Variants in PICALM observed in about 807,000 individuals in gnomAD.
PICALM encodes the protein phosphatidylinositol binding clathrin assembly protein, also known as phosphatidylinositol-binding clathrin assembly protein.
Under a neutral mutation model 80.5 loss-of-function variants are expected in PICALM, and 40 were observed. The observed-to-expected ratio is 0.50, with a 90% CI of 0.39 to 0.65. The LOEUF is 0.65. Ranked by LOEUF, PICALM falls within the 30% of genes least tolerant of loss-of-function variation. The pLI, the probability that PICALM is intolerant of heterozygous loss-of-function variation, is 0.00. For synonymous variants in PICALM, 288 were observed against 260.3 expected, an observed-to-expected ratio of 1.11 and a Z score of -1.02; for missense variants, 676 against 778.9, an observed-to-expected ratio of 0.87 and a Z score of 1.57.
chr11:86,030,493 A>G (rs1260996168), intron 2 of PICALM, among the ~76,000 whole-genome samples: 3 of 151,634 alleles, frequency 2.0e-5, no homozygotes, highest in Non-Finnish European at 4.4e-5. Flanking sequence ...TAAGGCACAT[A>G]CCGAAGAAGA....
chr11:86,067,419 A>C (rs1231793994), intron 1 of PICALM, among the ~76,000 whole-genome samples: 2 of 152,224 alleles, frequency 1.3e-5, no homozygotes, highest in Non-Finnish European at 1.5e-5. Flanking sequence ...CATTGGCTTG[A>C]GTGATCCAAT....
Position 86,000,794 on chromosome 11 carries a change from A to T in PICALM, c.1018-15T>A. The T allele has an allele frequency of 6.2e-7, 1 of 1,611,036 alleles. No individual in the cohort carries two copies. Among genetic ancestry groups the T allele is most frequent in the Non-Finnish European group, 8.5e-7 (1 of 1,179,388 alleles). ...AGGCGCTGTTCCTGTTAAGAAAGGG[A>T]ACTACCATAAGGATTCCAGAAACCA... On this transcript the variant is annotated splice_polypyrimidine_tract_variant and intron_variant, in intron 10 of 19. Coordinates refer to ENST00000393346, the MANE Select transcript of PICALM (RefSeq NM_007166.4).
chr11:85,981,960 A>T lies in PICALM; in HGVS notation c.1560T>A (p.Ser520=), dbSNP rs1297066459. Residue 520 remains serine, a synonymous_variant, in exon 15 of 20, where the codon TCT becomes TCA. Coordinates refer to ENST00000393346, the MANE Select transcript of PICALM (RefSeq NM_007166.4). ...TGGCAACAGGAAGGTTCTGGTTCTG[A>T]GAGGCCACTGTTGGTTTGAGAAGTC... ...LGGLLKPTVA[S]QNQNLPVAKL... 1.2e-6 allele frequency: 2 copies of T among 1,612,870 alleles called. No individual in the cohort carries two copies. The highest frequency in any genetic ancestry group is 1.7e-6 in the Non-Finnish European group (2 of 1,178,812).
chr11:86,022,287 T>A, intron 4 of PICALM, 80 bp downstream of exon 4: 2 of 770,068 alleles, frequency 2.6e-6, no homozygotes, highest in East Asian at 5.6e-5. Flanking sequence ...TAAAATTTCA[T>A]AATTCATAAT....
intron 18 of PICALM, among the ~76,000 whole-genome samples, chr11:85,975,648 G>C (rs181461164): frequency 5.0e-5 from 7 of 139,476 alleles, no homozygotes; most frequent in African/African-American, 1.9e-4. Context: ...CCAGACTGGA[G>C]TGCAGTGGCA....
At chr11:86,021,181 G>A (rs1037391773) in intron 4 of PICALM, among the ~76,000 whole-genome samples, 3 of 152,040 alleles carry the variant, frequency 2.0e-5, no homozygotes, top group Non-Finnish European at 4.4e-5. Flanking sequence ...GAACTCATTT[G>A]TATGAAAATT....
chr11:86,047,463 G>T (rs531819489), intron 1 of PICALM, among the ~76,000 whole-genome samples: 61 of 152,298 alleles, frequency 4.0e-4, no homozygotes, highest in African/African-American at 1.5e-3. Flanking sequence ...CAAACTGCAA[G>T]CCTTAATTTA....
At chr11:86,048,701 G>T (rs559619266) in intron 1 of PICALM, among the ~76,000 whole-genome samples, 11 of 151,668 alleles carry the variant, frequency 7.3e-5, no homozygotes, top group Admixed American at 5.9e-4. Flanking sequence ...GCGTGGTGGC[G>T]CATGCCTGTA....
chr11:86,009,547 C>A (rs904712958), intron 7 of PICALM, among the ~76,000 whole-genome samples: 1 of 151,992 alleles, frequency 6.6e-6, no homozygotes, highest in Non-Finnish European at 1.5e-5. Flanking sequence ...CAAAAATTAG[C>A]CGGGTGTGGT....
intron 19 of PICALM, among the ~76,000 whole-genome samples, chr11:85,971,618 C>G (rs1054289253): frequency 6.6e-6 from 1 of 151,956 alleles, no homozygotes; most frequent in East Asian, 1.9e-4. Flanking sequence ...CACCAGTAAT[C>G]TCAGCTACTC....
intron 1 of PICALM, among the ~76,000 whole-genome samples, chr11:86,055,279 T>C (rs1223843591): frequency 6.9e-6 from 1 of 143,886 alleles, no homozygotes. Flanking sequence ...GCAGTGAGCC[T>C]AGATCGTGCC....
chr11:86,023,711 G>A (rs888266460), intron 3 of PICALM, among the ~76,000 whole-genome samples: 2 of 152,188 alleles, frequency 1.3e-5, no homozygotes, highest in African/African-American at 4.8e-5. Flanking sequence ...GACTTTTAAA[G>A]TTAAAATGAA....
intron 19 of PICALM, among the ~76,000 whole-genome samples, chr11:85,973,451 G>A (rs1323570777): frequency 4.6e-5 from 7 of 152,164 alleles, no homozygotes; most frequent in Non-Finnish European, 8.8e-5. Flanking sequence ...AAGCATGTCC[G>A]TGAGCAAGAG....
At chr11:86,009,352 C>G (rs2095348180) in intron 7 of PICALM, among the ~76,000 whole-genome samples, 1 of 138,730 alleles carries the variant, frequency 7.2e-6, no homozygotes, top group Non-Finnish European at 1.5e-5. Context: ...TCTATTGCAC[C>G]TAAGAATAAG....
chr11:86,064,786 G>C (rs583463), intron 1 of PICALM, among the ~76,000 whole-genome samples: 41,507 of 151,528 alleles, frequency 0.27, 5,881 homozygotes, highest in African/African-American at 0.33. Flanking sequence ...CAAAAAATAG[G>C]ATAAGGGCCA....
At chr11:85,964,160 T>C (rs2093794737) in intron 19 of PICALM, among the ~76,000 whole-genome samples, 1 of 152,060 alleles carries the variant, frequency 6.6e-6, no homozygotes, top group African/African-American at 2.4e-5. Flanking sequence ...GTGAGGCTAG[T>C]GGAATTAAAA....
intron 1 of PICALM, among the ~76,000 whole-genome samples, chr11:86,047,311 T>G (rs1382967706): frequency 6.6e-6 from 1 of 152,242 alleles, no homozygotes; most frequent in Non-Finnish European, 1.5e-5. Flanking sequence ...CTTGTCTGGT[T>G]TAGTATAATC....
rs374401818 is a variant in PICALM at position 85,983,949 on chromosome 11, T to A, written c.1433A>T (p.Gln478Leu). 6.3e-7 allele frequency: 1 copy of A among 1,594,494 alleles called. No individual in the cohort carries two copies. Among genetic ancestry groups the A allele is most frequent in the African/African-American group, 1.3e-5 (1 of 74,390 alleles). The change falls in exon 14 of 20, where the codon CAG (glutamine) becomes CTG (leucine). Residue 478 changes from glutamine to leucine, a missense_variant. Physicochemically the swap from Gln to Leu is moderately radical, Grantham distance 113. Coordinates refer to ENST00000393346, the MANE Select transcript of PICALM (RefSeq NM_007166.4). ...ATTAAGGCCAGCTGAAGGGTGTGGC[T>A]GTGCAACTGGAGAAGGAGTGAATCC... ...FVGFTPSPVAQPHPSAGLNVD... is the reference protein window; with the variant it reads ...FVGFTPSPVALPHPSAGLNVD...
At chr11:86,054,697 A>G (rs950608185) in intron 1 of PICALM, among the ~76,000 whole-genome samples, 1 of 152,160 alleles carries the variant, frequency 6.6e-6, no homozygotes, top group South Asian at 2.1e-4. Flanking sequence ...ATTTACCTTA[A>G]TGTATTATAA....
Sources: gnomAD v4.1 joint callset for allele counts (sites outside exome capture counted in the v4.1 genomes callset) on GRCh38, gnomAD v4.1.1 for gene constraint, MANE v1.5 for transcripts, NCBI Gene and HGNC (gene_info 2026-07-23, HGNC 2026-07-21) for gene names.